PRKCG: variants seen among roughly 807,000 people sequenced by gnomAD.
PRKCG encodes protein kinase C gamma type.
A neutral mutation model predicts 82.0 loss-of-function variants in PRKCG; 28 were observed. The ratio of observed to expected loss-of-function variants is 0.34; its 90% CI spans 0.25 to 0.47. The LOEUF is 0.47. Ranked by LOEUF, PRKCG falls within the 20% of genes least tolerant of loss-of-function variation. The probability of loss-of-function intolerance (pLI) is 1.00; values close to 1 mark genes in which losing one functional copy is unlikely to be tolerated. For missense variants in PRKCG, 640 were observed against 952.7 expected, an observed-to-expected ratio of 0.67 and a Z score of 4.32; for synonymous variants, 383 against 376.6, an observed-to-expected ratio of 1.02 and a Z score of -0.20.
Position 53,900,556 on chromosome 19 carries a change from A to C in PRKCG, c.1437-55A>C, listed in dbSNP as rs1369225199. Reference sequence around the variant, plus strand: ...AAGGGATTTGAATATGTGGCTCTAGACTGCTGAACTCAACACTTCTTGCAA... The same window carrying C: ...AAGGGATTTGAATATGTGGCTCTAGCCTGCTGAACTCAACACTTCTTGCAA... On this transcript the variant is annotated intron_variant, in intron 13 of 17. Coordinates refer to ENST00000263431, the MANE Select transcript of PRKCG (RefSeq NM_002739.5). The surrounding 1 kb of genome is among the most constrained non-coding windows in gnomAD (Gnocchi z 4.2). The C allele has an allele frequency of 2.5e-6, 4 of 1,614,030 alleles. No homozygotes were observed.
intron 3 of PRKCG, among the ~76,000 whole-genome samples, chr19:53,887,898 G>C (rs1223254942): frequency 6.6e-6 from 1 of 152,052 alleles, no homozygotes; most frequent in Non-Finnish European, 1.5e-5. Flanking sequence ...TAGTCCCCAG[G>C]GAGGGCACAT....
rs2068732416 is a variant in PRKCG at position 53,898,317 on chromosome 19, C to G, written c.1093-123C>G. 6 of 1,389,172 alleles carry G rather than the reference C, an allele frequency of 4.3e-6. No individual in the cohort carries two copies. The South Asian group carries it at 4.8e-5, about 11-fold the overall frequency. The allele number at this position is 1,389,172 out of a possible 1,614,324, so 86.1% of individuals were successfully genotyped here. ...GGGACGGGCGGCAAGTCAGGGCTGT[C>G]AGTCCCTTAAGAGATGGAGGAAGGG... is the stretch of plus-strand genomic sequence containing the variant. On this transcript the variant is annotated intron_variant, in intron 10 of 17. Coordinates refer to ENST00000263431, the MANE Select transcript of PRKCG (RefSeq NM_002739.5).
At chr19:53,885,518 C>G (rs2122979306) in intron 3 of PRKCG, among the ~76,000 whole-genome samples, 1 of 152,324 alleles carries the variant, frequency 6.6e-6, no homozygotes, top group Admixed American at 6.5e-5. Context: ...GCGTGAGCCA[C>G]CGCGCCCGGC....
chr19:53,900,790 C>T lies in PRKCG; in HGVS notation c.1575+41C>T, dbSNP rs778659228. ...CTGCTCTGGTCACGCTTTGAGATCC[C>T]TTAGAGGGTGTAGCTGATGGTCCAG... On this transcript the variant is annotated intron_variant, in intron 14 of 17. Coordinates refer to ENST00000263431, the MANE Select transcript of PRKCG (RefSeq NM_002739.5). The surrounding 1 kb of genome is among the most constrained non-coding windows in gnomAD (Gnocchi z 4.2). 1 of 1,613,634 alleles carries T rather than the reference C, an allele frequency of 6.2e-7. No individual in the cohort carries two copies. The highest frequency in any genetic ancestry group is 8.5e-7 in the Non-Finnish European group (1 of 1,179,988).
At position 53,884,322 on chromosome 19, in the gene PRKCG, CTG is replaced by C; in HGVS notation, c.285+80_285+81del. On this transcript the variant is annotated intron_variant, in intron 3 of 17. Transcript: ENST00000263431. The surrounding 1 kb of genome is among the most constrained non-coding windows in gnomAD (Gnocchi z 4.6). ...CCCTCGGCGTCCGTCCCAATTTCTC[CTG>C]CTATTTTTATGGCTGGGAGGGGAGG... The C allele has an allele frequency of 7.4e-7, 1 of 1,353,390 alleles. No individual in the cohort carries two copies. Among genetic ancestry groups the C allele is most frequent in the South Asian group, 1.2e-5 (1 of 85,806 alleles). The allele number at this position is 1,353,390 out of a possible 1,614,324, so 83.8% of individuals were successfully genotyped here.
intron 11 of PRKCG, among the ~76,000 whole-genome samples, chr19:53,898,892 G>A (rs2068740472): frequency 7.0e-6 from 1 of 142,558 alleles, no homozygotes; most frequent in African/African-American, 2.7e-5. Flanking sequence ...CCTCGGGGGC[G>A]TGGCCAGGTG....
chr19:53,906,081 CCTCCTTCTTCTTCTTCTT>C (rs2068805966), intron 16 of PRKCG, among the ~76,000 whole-genome samples: 1 of 35,494 alleles, frequency 2.8e-5, no homozygotes, highest in Non-Finnish European at 4.5e-5. Flanking sequence ...TCCTCCTCCT[CCTCCTTCTTCTTCTTCTT>C]CTTCTTCTTC....
intron 9 of PRKCG, among the ~76,000 whole-genome samples, chr19:53,893,940 A>G (rs2068698992): frequency 6.6e-6 from 1 of 151,032 alleles, no homozygotes; most frequent in Admixed American, 6.6e-5. Flanking sequence ...TATTTTTAGT[A>G]GAGATGGGAT....
chr19:53,900,333 C>G lies in PRKCG; in HGVS notation c.1373+9C>G, dbSNP rs770646331. 3.7e-6 allele frequency: 6 copies of G among 1,614,036 alleles called. No homozygotes were observed. Among genetic ancestry groups the G allele is most frequent in the Non-Finnish European group, 5.1e-6 (6 of 1,179,976 alleles). On this transcript the variant is annotated intron_variant, in intron 12 of 17. Transcript: ENST00000263431. This position sits in a 1 kb window ranked among gnomAD's most constrained non-coding sequence, Gnocchi z 4.2. ...AAGGAGCCCCATGCAGCGTGAGTCT[C>G]GGCCAACAGAGAATGGTCGGGGTGG...
rs2068607198 is a variant in PRKCG at position 53,883,343 on chromosome 19, G to T, written c.202+149G>T. On this transcript the variant is annotated intron_variant, in intron 2 of 17. Transcript: ENST00000263431. This position sits in a 1 kb window ranked among gnomAD's most constrained non-coding sequence, Gnocchi z 5.4. ...GGGGTGTGGCAGAGACACAGCCTGT[G>T]GTGGGGAGGGAGCTTTGATGGTGGG... is the stretch of plus-strand genomic sequence containing the variant. The T allele has an allele frequency of 2.0e-6, 2 of 996,274 alleles. No homozygotes were observed. Among genetic ancestry groups the T allele is most frequent in the African/African-American group, 1.6e-5 (1 of 62,460 alleles). The allele number at this position is 996,274 out of a possible 1,614,324, so 61.7% of individuals were successfully genotyped here.
intron 14 of PRKCG, 48 bp from the exon 15 acceptor site, chr19:53,903,025 G>T: frequency 6.8e-7 from 1 of 1,477,364 alleles, no homozygotes; most frequent in Non-Finnish European, 9.5e-7. Context: ...AGGGGTCCTA[G>T]GCTTCCTAAA....
rs959182719 is a variant in PRKCG, at chr19:53,883,531, C to T, written c.202+337C>T. 7.2e-5 allele frequency among the ~76,000 whole-genome samples: 11 copies of T among 151,886 alleles called. No homozygotes were observed. Among genetic ancestry groups the T allele is most frequent in the Non-Finnish European group, 1.5e-4 (10 of 67,952 alleles). ...GATGCAAAGTCAGAGCCCCCCCCCA[C>T]CCCAGGCTGCCGTCGCCATGACAAC... is the stretch of plus-strand genomic sequence containing the variant. On this transcript the variant is annotated intron_variant, in intron 2 of 17. Coordinates refer to ENST00000263431, the MANE Select transcript of PRKCG (RefSeq NM_002739.5). The surrounding 1 kb of genome is among the most constrained non-coding windows in gnomAD (Gnocchi z 5.4).
chr19:53,901,551 CAAAAAAAA>C (rs57268943), intron 14 of PRKCG, among the ~76,000 whole-genome samples: 2 of 45,818 alleles, frequency 4.4e-5, no homozygotes, highest in African/African-American at 1.4e-4. Context: ...AACTTCATCT[CAAAAAAAA>C]AAAAAAAAAA....
At chr19:53,891,222 T>C (rs2068672925) in intron 5 of PRKCG, among the ~76,000 whole-genome samples, 1 of 152,010 alleles carries the variant, frequency 6.6e-6, no homozygotes, top group Non-Finnish European at 1.5e-5. Context: ...ATGCCCTGTC[T>C]TCTGGGTTCT....
chr19:53,882,444 T>G lies in PRKCG; in HGVS notation c.-51T>G. The stretch of plus-strand genomic sequence containing the variant: ...GTCTCCAGCTCCTCTCCCTTCCACC[T>G]GTTTCCCCCAAGAAAGGCAGGATCC... On this transcript the variant is annotated 5_prime_UTR_variant, in exon 1 of 18. Coordinates refer to ENST00000263431, the MANE Select transcript of PRKCG (RefSeq NM_002739.5). The surrounding 1 kb of genome is among the most constrained non-coding windows in gnomAD (Gnocchi z 6.1). 6.3e-7 allele frequency: 1 copy of G among 1,588,242 alleles called. No individual in the cohort carries two copies. The highest frequency in any genetic ancestry group is 8.6e-7 in the Non-Finnish European group (1 of 1,167,606).
Position 53,889,205 on chromosome 19 carries a change from C to G in PRKCG, c.286-433C>G, listed in dbSNP as rs307948. 0.069 allele frequency among the ~76,000 whole-genome samples: 10,429 copies of G among 152,128 alleles called. 735 individuals are homozygous for G. The highest frequency in any genetic ancestry group is 0.18 in the African/African-American group (7,435 of 41,444). ...TGAGCTCAAGGCAATCCGCCCACCT[C>G]GGCCTCCCAAAGTGCTGGGATTACA... On this transcript the variant is annotated intron_variant, in intron 3 of 17. Transcript: ENST00000263431. The surrounding 1 kb of genome is among the most constrained non-coding windows in gnomAD (Gnocchi z 4.4).
intron 9 of PRKCG, among the ~76,000 whole-genome samples, chr19:53,895,259 G>A (rs1056849474): frequency 3.3e-5 from 5 of 152,064 alleles, no homozygotes; most frequent in East Asian, 1.9e-4. Context: ...CTAGTAAGGC[G>A]GGCGGATCAC....
In PRKCG at chr19:53,882,685, G is replaced by T. The variant is rs937935635; in HGVS notation, c.170+21G>T. On this transcript the variant is annotated intron_variant, in intron 1 of 17. Coordinates refer to ENST00000263431, the MANE Select transcript of PRKCG (RefSeq NM_002739.5). The surrounding 1 kb of genome is among the most constrained non-coding windows in gnomAD (Gnocchi z 6.1). ...ATCTGGTGAGGGAAGGGGGCTGGGG[G>T]ACTGGGGGACGAGGGGACTAGGGGT... 6 of 1,582,872 alleles carry T rather than the reference G, an allele frequency of 3.8e-6. No homozygotes were observed. The highest frequency in any genetic ancestry group is 5.2e-6 in the Non-Finnish European group (6 of 1,156,730).
rs955223314 is a variant in PRKCG, at chr19:53,906,282, G to A, written c.1765-35G>A. On this transcript the variant is annotated intron_variant, in intron 16 of 17. Transcript: ENST00000263431. ...GGTCTACCTGTCCGGCACTCTGTCT[G>A]TTTGTCTGTCTGTCTCTCTCTGTGT... The A allele has an allele frequency of 3.2e-6, 5 of 1,550,398 alleles. No homozygotes were observed. The South Asian group carries it at 4.8e-5, about 15-fold the overall frequency.
Sources: gnomAD v4.1 joint callset for allele counts (sites outside exome capture counted in the v4.1 genomes callset) on GRCh38, gnomAD v4.1.1 for gene constraint, Gnocchi (gnomAD v3.1) non-coding constraint, MANE v1.5 for transcripts, NCBI Gene and HGNC (gene_info 2026-07-23, HGNC 2026-07-21) for gene names.